The following RNF19B variants were observed in gnomAD, a reference collection of about 807,000 sequenced individuals.
RNF19B encodes the protein ring finger protein 19B, also known as E3 ubiquitin-protein ligase RNF19B.
Under a neutral mutation model 65.5 loss-of-function variants are expected in RNF19B, and 23 were observed. That is an observed-to-expected ratio of 0.35 (90% CI 0.25 to 0.50). The LOEUF is 0.50. Ranked by LOEUF, RNF19B falls within the 20% of genes least tolerant of loss-of-function variation. The pLI, the probability that RNF19B is intolerant of heterozygous loss-of-function variation, is 0.98. For missense variants in RNF19B, 794 were observed against 980.0 expected, an observed-to-expected ratio of 0.81 and a Z score of 2.53; for synonymous variants, 372 against 379.6, an observed-to-expected ratio of 0.98 and a Z score of 0.23.
chr1:32,964,085 G>C lies in RNF19B; in HGVS notation c.601C>G (p.Pro201Ala). Residue 201 changes from proline (P) to alanine (A), a missense_variant, in exon 1 of 9, where the codon CCC becomes GCC. Physicochemically the swap from Pro to Ala is conservative, Grantham distance 27. Transcript: ENST00000235150. This position sits in a 1 kb window ranked among gnomAD's most constrained non-coding sequence, Gnocchi z 6.5. ...FMLRRYLASD[P>A]DCRWCPAPDC... is the part of the protein sequence containing the mutation. ...GGGGCCGGGCACCAGCGGCAGTCGGGGTCCGAGGCTAGGTAGCGGCGCAGC... is the reference window on the plus strand; with the variant it reads ...GGGGCCGGGCACCAGCGGCAGTCGGCGTCCGAGGCTAGGTAGCGGCGCAGC... 6.6e-7 allele frequency: 1 copy of C among 1,524,162 alleles called. No homozygotes were observed. The highest frequency in any genetic ancestry group is 8.8e-7 in the Non-Finnish European group (1 of 1,136,246). The allele number at this position is 1,524,162 out of a possible 1,614,324, so 94.4% of individuals were successfully genotyped here. A position where few individuals can be genotyped will look rare whatever the true frequency, so the allele number is the denominator to read the frequency against.
At chr1:32,938,331 A>G (rs768125775) in intron 8 of RNF19B, 66 bp downstream of exon 8, 1 of 1,562,034 alleles carries the variant, frequency 6.4e-7, no homozygotes, top group South Asian at 1.1e-5. Context: ...GAGGCATTGA[A>G]CTTCTGAAGA....
chr1:32,941,484 G>T (rs917405590), intron 7 of RNF19B, among the ~76,000 whole-genome samples: 1 of 152,142 alleles, frequency 6.6e-6, no homozygotes, highest in African/African-American at 2.4e-5. Context: ...AGGCTGCAGC[G>T]AGCCAAGATT....
chr1:32,938,426 G>T lies in RNF19B; in HGVS notation c.1713C>A (p.Ser571=). ...CCTGTGGGTTGTAGGAACTGATTAT[G>T]GAACCGGCCATAGCACGAGTGCTTG... is the stretch of plus-strand genomic sequence containing the variant. ...DNASTRAMAG[S]IISSYNPQDR... is the part of the protein sequence containing the mutation. The change falls in exon 8 of 9, where the codon TCC becomes TCA. Residue 571 remains serine, a synonymous_variant. Coordinates refer to ENST00000235150, the MANE Select transcript of RNF19B (RefSeq NM_001300826.2). The T allele has an allele frequency of 1.2e-6, 2 of 1,614,206 alleles. No individual in the cohort carries two copies. Among genetic ancestry groups the T allele is most frequent in the Non-Finnish European group, 1.7e-6 (2 of 1,180,040 alleles).
chr1:32,929,091 A>G, the RNF19B span, among the ~76,000 whole-genome samples: 1 of 152,128 alleles, frequency 6.6e-6, no homozygotes, highest in African/African-American at 2.4e-5. Flanking sequence ...GAAGTCCTAG[A>G]TTTTGGCAGA....
At chr1:32,958,891 A>T (rs1356025867) in intron 1 of RNF19B, among the ~76,000 whole-genome samples, 2 of 152,146 alleles carry the variant, frequency 1.3e-5, no homozygotes, top group Non-Finnish European at 2.9e-5. Flanking sequence ...ACTTTGGCAA[A>T]TCTGAGACAG....
intron 3 of RNF19B, among the ~76,000 whole-genome samples, chr1:32,947,765 G>T (rs1363402395): frequency 6.6e-6 from 1 of 151,958 alleles, no homozygotes; most frequent in Non-Finnish European, 1.5e-5. Flanking sequence ...TTACAGTTTA[G>T]TAAGATAAGA....
In RNF19B at chr1:32,944,099, C is replaced by T. The variant is rs1178632602; in HGVS notation, c.1322G>A (p.Arg441His). 4.3e-6 allele frequency: 7 copies of T among 1,614,036 alleles called. No homozygotes were observed. The highest frequency in any genetic ancestry group is 1.1e-5 in the South Asian group (1 of 91,058). The change falls in exon 6 of 9, where the codon CGT becomes CAT. Residue 441 changes from arginine to histidine, a missense_variant. Physicochemically the swap from Arg to His is conservative, Grantham distance 29. Transcript: ENST00000235150. Reference sequence around the variant, plus strand: ...TGTGCTAACTCCACAGCCGCCTCCACGACAAAGAGAAATGGGCACAACCCC... The same window carrying T: ...TGTGCTAACTCCACAGCCGCCTCCATGACAAAGAGAAATGGGCACAACCCC... ...VYGVVPISLC[R>H]GGGCGVSTAN...
chr1:32,948,084 A>T, intron 3 of RNF19B, 138 bp downstream of exon 3: 1 of 760,196 alleles, frequency 1.3e-6, no homozygotes, highest in Non-Finnish European at 2.1e-6. Flanking sequence ...AAACATGATT[A>T]GAGGAGCATG....
At chr1:32,942,175 CT>C (rs1282511314) in intron 7 of RNF19B, 76 bp downstream of exon 7, 6 of 1,186,356 alleles carry the variant, frequency 5.1e-6, no homozygotes, top group Non-Finnish European at 7.3e-6. Context: ...TGGCACAAGC[CT>C]GGCACAGAGA....
intron 1 of RNF19B, among the ~76,000 whole-genome samples, chr1:32,961,643 A>G (rs935190496): frequency 3.3e-5 from 5 of 152,126 alleles, no homozygotes; most frequent in Non-Finnish European, 7.3e-5. Context: ...AAAAAAATAC[A>G]TTGTTTATAT....
At chr1:32,941,032 G>A (rs561633352) in intron 7 of RNF19B, among the ~76,000 whole-genome samples, 49 of 152,250 alleles carry the variant, frequency 3.2e-4, no homozygotes, top group Non-Finnish European at 5.4e-4. Flanking sequence ...AGACCAGCCT[G>A]GGTAACCGAG....
chr1:32,937,446 T>C, intron 8 of RNF19B, 187 bp from the exon 9 acceptor site: 1 of 939,030 alleles, frequency 1.1e-6, no homozygotes, highest in Non-Finnish European at 1.6e-6. Context: ...ACGTGGTGGC[T>C]CATGCCTATA....
downstream of RNF19B, among the ~76,000 whole-genome samples, chr1:32,935,122 G>A (rs528104793): frequency 2.0e-3 from 305 of 151,698 alleles, no homozygotes; most frequent in Middle Eastern, 0.024. Flanking sequence ...GAACCACTGC[G>A]CCCAGCCCAT....
At chr1:32,957,954 A>C (rs1441288059) in intron 1 of RNF19B, among the ~76,000 whole-genome samples, 1 of 152,234 alleles carries the variant, frequency 6.6e-6, no homozygotes, top group East Asian at 1.9e-4. Flanking sequence ...TTTCATCAAA[A>C]TTCATCTATG....
Position 32,949,781 on chromosome 1 carries a change from A to T in RNF19B, c.636-7T>A. ...ATAGGCAATAACAGCATAACTAGGTAAGGAAACAGTAAGAGATACCAGTAA... is the reference window on the plus strand; with the variant it reads ...ATAGGCAATAACAGCATAACTAGGTTAGGAAACAGTAAGAGATACCAGTAA... On this transcript the variant is annotated splice_region_variant and splice_polypyrimidine_tract_variant and intron_variant, in intron 1 of 8. Transcript: ENST00000235150. 1 of 1,609,034 alleles carries T rather than the reference A, an allele frequency of 6.2e-7. No individual in the cohort carries two copies.
At chr1:32,961,602 A>G (rs1642771041) in intron 1 of RNF19B, among the ~76,000 whole-genome samples, 2 of 151,914 alleles carry the variant, frequency 1.3e-5, no homozygotes, top group Non-Finnish European at 2.9e-5. Context: ...CTTTCCCCAA[A>G]CTCCACCTTA....
At chr1:32,939,265 G>A (rs1446855718) in intron 7 of RNF19B, among the ~76,000 whole-genome samples, 3 of 152,150 alleles carry the variant, frequency 2.0e-5, no homozygotes, top group Non-Finnish European at 4.4e-5. Flanking sequence ...TTGGCTCACT[G>A]CAACTTCTGC....
intron 1 of RNF19B, among the ~76,000 whole-genome samples, chr1:32,963,761 C>G (rs1366139124): frequency 6.6e-6 from 1 of 152,136 alleles, no homozygotes; most frequent in Non-Finnish European, 1.5e-5. Flanking sequence ...TCCTCACCTC[C>G]GGACAGAGGG....
rs1323627667 is a variant in RNF19B, at chr1:32,964,116, C to T, written c.570G>A (p.Glu190=). Residue 190 remains glutamate (E), a synonymous_variant, in exon 1 of 9, where the codon GAG becomes GAA. Coordinates refer to ENST00000235150, the MANE Select transcript of RNF19B (RefSeq NM_001300826.2). The surrounding 1 kb of genome is among the most constrained non-coding windows in gnomAD (Gnocchi z 6.5). ...AGGCTAGGTAGCGGCGCAGCATGAACTCCTCGTACTTGTGCATAAGCGGCG... is the reference window on the plus strand; with the variant it reads ...AGGCTAGGTAGCGGCGCAGCATGAATTCCTCGTACTTGTGCATAAGCGGCG... The part of the protein sequence containing the change: ...ADPPLMHKYE[E]FMLRRYLASD... The T allele has an allele frequency of 6.5e-7, 1 of 1,538,460 alleles. No homozygotes were observed. The highest frequency in any genetic ancestry group is 1.2e-5 in the South Asian group (1 of 83,014).
Sources: gnomAD v4.1 joint callset for allele counts (sites outside exome capture counted in the v4.1 genomes callset) on GRCh38, gnomAD v4.1.1 for gene constraint, Gnocchi (gnomAD v3.1) non-coding constraint, MANE v1.5 for transcripts, NCBI Gene and HGNC (gene_info 2026-07-23, HGNC 2026-07-21) for gene names.